The following UFD1 variants were observed in gnomAD, a reference collection of about 807,000 sequenced individuals.
UFD1 encodes ubiquitin recognition factor in ER associated degradation 1, also known as ubiquitin recognition factor in ER-associated degradation protein 1.
Under a neutral mutation model 45.9 loss-of-function variants are expected in UFD1, and 13 were observed. The ratio of observed to expected loss-of-function variants is 0.28; its 90% confidence interval spans 0.18 to 0.45. The LOEUF (loss-of-function observed/expected upper bound fraction) is 0.45, where lower values mean the gene tolerates loss of function less well. UFD1 is among the 20% of genes least tolerant of loss of function. The pLI is 1.00. For synonymous variants in UFD1, 128 were observed against 139.2 expected, an observed-to-expected ratio of 0.92 and a Z score of 0.56; for missense variants, 218 against 389.2, an observed-to-expected ratio of 0.56 and a Z score of 3.70.
At chr22:19,473,067 T>A (rs2089857381) in intron 3 of UFD1, among the ~76,000 whole-genome samples, 1 of 152,112 alleles carries the variant, frequency 6.6e-6, no homozygotes, top group South Asian at 2.1e-4. Flanking sequence ...GGGCACTCCC[T>A]CCTATCACCA....
At chr22:19,454,610 C>T in intron 11 of UFD1, 139 bp downstream of exon 11, 2 of 1,508,110 alleles carry the variant, frequency 1.3e-6, no homozygotes, top group Admixed American at 2.2e-5. Flanking sequence ...TGTAAATTGC[C>T]CAGTCTCGGG....
intron 3 of UFD1, among the ~76,000 whole-genome samples, chr22:19,472,749 G>A (rs1312708582): frequency 6.6e-6 from 1 of 152,136 alleles, no homozygotes; most frequent in Non-Finnish European, 1.5e-5. Flanking sequence ...TATCTATGGG[G>A]AAACTAAGGC....
At position 19,450,585 on chromosome 22, in the gene UFD1, C is replaced by A. The variant is rs146289996; in HGVS notation, c.*85G>T. The A allele has an allele frequency of 1.3e-6, 2 of 1,528,548 alleles. No individual in the cohort carries two copies. The highest frequency in any genetic ancestry group is 2.7e-5 in the African/African-American group (2 of 73,028). 94.7% of individuals were successfully genotyped at this position (1,528,548 alleles called of 1,614,324 possible). On this transcript the variant is annotated 3_prime_UTR_variant, in exon 12 of 12. Transcript: ENST00000263202. ...AGTAACAGAGTATTCTCTGATGAGGCTCGTCCCTGTCAGTGCCAGTAACTA... is the reference window on the plus strand; with the variant it reads ...AGTAACAGAGTATTCTCTGATGAGGATCGTCCCTGTCAGTGCCAGTAACTA...
At chr22:19,457,977 G>T in intron 7 of UFD1, 94 bp downstream of exon 7, 1 of 1,343,564 alleles carries the variant, frequency 7.4e-7, no homozygotes, top group Non-Finnish European at 1.1e-6. Flanking sequence ...CCCAGGGGCT[G>T]TTTGATGCCC....
intron 7 of UFD1, among the ~76,000 whole-genome samples, chr22:19,457,672 C>G (rs2269721): frequency 0.88 from 133,179 of 152,138 alleles, 58,552 homozygotes; most frequent in African/African-American, 0.96. Flanking sequence ...CTAGCCGGGC[C>G]TGGTGGCACA....
chr22:19,451,832 T>C, intron 11 of UFD1: 1 of 985,496 alleles, frequency 1.0e-6, no homozygotes. Context: ...ATGGAGTTCA[T>C]CTGTTTTGAC....
intron 11 of UFD1, chr22:19,453,341 C>A: frequency 1.4e-5 from 14 of 985,470 alleles, no homozygotes; most frequent in Non-Finnish European, 1.7e-5. Flanking sequence ...GACCTTTAGC[C>A]ACAGCCTTAG....
At chr22:19,457,769 C>A (rs1194591048) in intron 7 of UFD1, among the ~76,000 whole-genome samples, 4 of 152,070 alleles carry the variant, frequency 2.6e-5, no homozygotes, top group South Asian at 2.1e-4. Context: ...CAAGATCGCA[C>A]CACTGCACTC....
At chr22:19,460,777 T>C (rs906762301) in intron 6 of UFD1, among the ~76,000 whole-genome samples, 1 of 151,594 alleles carries the variant, frequency 6.6e-6, no homozygotes, top group African/African-American at 2.4e-5. Context: ...TTTTTTCCCT[T>C]GAGGCAGGGT....
chr22:19,450,875 C>A, intron 11 of UFD1, 131 bp from the exon 12 acceptor site: 1 of 1,527,980 alleles, frequency 6.5e-7, no homozygotes, highest in Non-Finnish European at 8.8e-7. Context: ...ATAGCTGACA[C>A]CTGTAATCCC....
At chr22:19,463,275 G>A (rs1241290324) in intron 6 of UFD1, among the ~76,000 whole-genome samples, 1 of 152,118 alleles carries the variant, frequency 6.6e-6, no homozygotes, top group African/African-American at 2.4e-5. Context: ...GCTCCTCTGT[G>A]TGAAATTCTG....
At position 19,450,139 on chromosome 22, in the gene UFD1, T is replaced by TA. The variant is rs1219145160; in HGVS notation, c.*530dup. 6.6e-6 allele frequency: 1 copy of TA among 152,492 alleles called. No individual in the cohort carries two copies. The highest frequency in any genetic ancestry group is 1.5e-5 in the Non-Finnish European group (1 of 68,290). The allele number at this position is 152,492 out of a possible 1,614,324, so 9.4% of individuals were successfully genotyped here. ...TTCTGAGTGGTGTTTTTGAAAAAAA[T>TA]ATGTAAAATAAAAATAGAAACATTC... On this transcript the variant is annotated 3_prime_UTR_variant, in exon 12 of 12. Transcript: ENST00000263202.
At position 19,455,690 on chromosome 22, in the gene UFD1, C is replaced by A. The variant is rs759807305; in HGVS notation, c.757G>T (p.Asp253Tyr). The change falls in exon 10 of 12, where the codon GAT (aspartate) becomes TAT (tyrosine). Residue 253 changes from aspartate (D) to tyrosine (Y), a missense_variant. Physicochemically the swap from Asp to Tyr is radical, Grantham distance 160 (BLOSUM62 -3). This residue lies in a region of UFD1 where 69 missense variants were observed against 81.7 expected (regional missense o/e 0.84). Coordinates refer to ENST00000263202, the MANE Select transcript of UFD1 (RefSeq NM_005659.7). ...EPSPSPIKPG[D>Y]IKRGIPNYEF... is the part of the protein sequence containing the mutation. ...CCAGGACAGACCTACCTTTTAATATCTCCAGGCTTGATTGGGGAGGGGCTG... is the reference window on the plus strand; with the variant it reads ...CCAGGACAGACCTACCTTTTAATATATCCAGGCTTGATTGGGGAGGGGCTG... The A allele has an allele frequency of 6.2e-7, 1 of 1,614,026 alleles. No homozygotes were observed. The highest frequency in any genetic ancestry group is 8.5e-7 in the Non-Finnish European group (1 of 1,179,914).
chr22:19,450,641 T>C lies in UFD1; in HGVS notation c.*29A>G. 6.2e-7 allele frequency: 1 copy of C among 1,613,856 alleles called. No individual in the cohort carries two copies. Among genetic ancestry groups the C allele is most frequent in the African/African-American group, 1.3e-5 (1 of 75,054 alleles). ...CAAGATGTTGCAAATGATTCTTTTA[T>C]TATTTTCCAATCAGCCAACAGTCCT... On this transcript the variant is annotated 3_prime_UTR_variant, in exon 12 of 12. Coordinates refer to ENST00000263202, the MANE Select transcript of UFD1 (RefSeq NM_005659.7).
rs115043641 is a variant in UFD1 at position 19,469,769 on chromosome 22, G to A, written c.292-1766C>T. ...CCTGTCACCCGCCTGCCCATGCCAGGAGCTGGAAGGCCAGCTCAGGGGAAG... is the reference window on the plus strand; with the variant it reads ...CCTGTCACCCGCCTGCCCATGCCAGAAGCTGGAAGGCCAGCTCAGGGGAAG... On this transcript the variant is annotated intron_variant, in intron 4 of 11. Coordinates refer to ENST00000263202, the MANE Select transcript of UFD1 (RefSeq NM_005659.7). 2.6e-3 allele frequency: 1,159 copies of A among 444,524 alleles called. 11 individuals are homozygous for A. Among genetic ancestry groups the A allele is most frequent in the African/African-American group, 0.021 (1,026 of 49,784 alleles). The allele number at this position is 444,524 out of a possible 1,614,324, so 27.5% of individuals were successfully genotyped here.
At chr22:19,454,706 T>A in intron 11 of UFD1, 43 bp downstream of exon 11, 2 of 1,613,184 alleles carry the variant, frequency 1.2e-6, no homozygotes, top group Non-Finnish European at 1.7e-6. Context: ...AGCAAATAAA[T>A]CTCCTCATTA....
At chr22:19,472,226 G>A (rs1412888323) in intron 3 of UFD1, among the ~76,000 whole-genome samples, 1 of 152,182 alleles carries the variant, frequency 6.6e-6, no homozygotes, top group Non-Finnish European at 1.5e-5. Flanking sequence ...TAGGCTCCTA[G>A]AGGCCGAGTT....
chr22:19,477,162 T>C (rs1048721067), intron 1 of UFD1, among the ~76,000 whole-genome samples: 1 of 152,202 alleles, frequency 6.6e-6, no homozygotes, highest in Non-Finnish European at 1.5e-5. Flanking sequence ...CTCGGGTAAC[T>C]GAAACCACCT....
intron 9 of UFD1, 149 bp from the exon 10 acceptor site, chr22:19,455,917 G>A (rs2089719518): frequency 1.4e-6 from 1 of 722,620 alleles, no homozygotes; most frequent in Admixed American, 2.4e-5. Flanking sequence ...CTGGGGTGCT[G>A]GCAGCTAAGA....
Sources: allele counts gnomAD v4.1 joint callset (sites outside exome capture counted in the v4.1 genomes callset), GRCh38; gene constraint gnomAD v4.1.1; regional missense constraint gnomAD v4.1.1; transcripts MANE v1.5; gene names NCBI Gene and HGNC (gene_info 2026-07-23, HGNC 2026-07-21).